The following SLC4A10 variants were observed in gnomAD, a reference collection of about 807,000 sequenced individuals.
SLC4A10 encodes the protein sodium-driven chloride bicarbonate exchanger.
In SLC4A10, 42 loss-of-function variants were observed where a neutral mutation model predicts 137.7. The ratio of observed to expected loss-of-function variants is 0.30; its 90% CI spans 0.24 to 0.39. The LOEUF (loss-of-function observed/expected upper bound fraction) is 0.39, where lower values mean the gene tolerates loss of function less well. Ranked by LOEUF, SLC4A10 falls within the 10% of genes least tolerant of loss-of-function variation. The probability of loss-of-function intolerance (pLI) is 1.00; values close to 1 mark genes in which losing one functional copy is unlikely to be tolerated. For missense variants in SLC4A10, 925 were observed against 1,355.0 expected, an observed-to-expected ratio of 0.68 and a Z score of 4.98; for synonymous variants, 474 against 464.1, an observed-to-expected ratio of 1.02 and a Z score of -0.27.
chr2:161,732,662 A>T (rs1027544454), intron 1 of SLC4A10, among the ~76,000 whole-genome samples: 36 of 152,338 alleles, frequency 2.4e-4, no homozygotes, highest in Non-Finnish European at 1.5e-4. Flanking sequence ...TGTTGAAGCA[A>T]CTTTGGAACT....
chr2:161,832,834 G>A (rs1441561515), intron 3 of SLC4A10, among the ~76,000 whole-genome samples: 2 of 152,120 alleles, frequency 1.3e-5, no homozygotes, highest in Admixed American at 1.3e-4. Flanking sequence ...TCCGCCTCCC[G>A]GGTTCACGCC....
chr2:161,927,827 A>G (rs1028558129), intron 15 of SLC4A10, among the ~76,000 whole-genome samples: 2 of 152,330 alleles, frequency 1.3e-5, no homozygotes, highest in South Asian at 2.1e-4. Context: ...ATGAGATACC[A>G]TCTCACACCA....
intron 13 of SLC4A10, among the ~76,000 whole-genome samples, chr2:161,904,470 C>A (rs1278134418): frequency 6.6e-6 from 1 of 152,134 alleles, no homozygotes; most frequent in Non-Finnish European, 1.5e-5. Context: ...CACAAGAGGT[C>A]CATTTGCTAT....
At chr2:161,778,799 T>C (rs1188335727) in intron 2 of SLC4A10, among the ~76,000 whole-genome samples, 1 of 151,986 alleles carries the variant, frequency 6.6e-6, no homozygotes, top group Non-Finnish European at 1.5e-5. Flanking sequence ...TTTTAGCAGA[T>C]ATTAAAATCT....
intron 12 of SLC4A10, among the ~76,000 whole-genome samples, chr2:161,901,376 G>A (rs1683070876): frequency 6.6e-6 from 1 of 152,046 alleles, no homozygotes; most frequent in Non-Finnish European, 1.5e-5. Context: ...AGTCTTGTAG[G>A]CCCTATCTCA....
chr2:161,839,348 T>A (rs2059027768), intron 3 of SLC4A10, among the ~76,000 whole-genome samples: 1 of 151,778 alleles, frequency 6.6e-6, no homozygotes. Context: ...CACAAGGGAG[T>A]TTTTTTGGTG....
chr2:161,941,097 C>T (rs1692607365), intron 15 of SLC4A10, among the ~76,000 whole-genome samples: 1 of 152,116 alleles, frequency 6.6e-6, no homozygotes, highest in African/African-American at 2.4e-5. Flanking sequence ...AGAGCAACCA[C>T]TAAGAAAATA....
At chr2:161,911,439 G>T (rs560227738) in intron 15 of SLC4A10, among the ~76,000 whole-genome samples, 1 of 152,106 alleles carries the variant, frequency 6.6e-6, no homozygotes, top group South Asian at 2.1e-4. Flanking sequence ...TAGATGTGGG[G>T]AGAAACAAGA....
intron 26 of SLC4A10, among the ~76,000 whole-genome samples, chr2:161,982,046 G>A (rs957859967): frequency 6.6e-6 from 1 of 152,148 alleles, no homozygotes; most frequent in African/African-American, 2.4e-5. Flanking sequence ...TTGTACAGGA[G>A]GCCCCATAGA....
intron 1 of SLC4A10, among the ~76,000 whole-genome samples, chr2:161,677,816 T>G (rs1474385022): frequency 1.3e-5 from 2 of 152,188 alleles, no homozygotes; most frequent in Non-Finnish European, 2.9e-5. Context: ...AATGACACAG[T>G]CAGAAATGAA....
intron 14 of SLC4A10, among the ~76,000 whole-genome samples, chr2:161,905,363 T>A (rs2105340147): frequency 6.6e-6 from 1 of 152,312 alleles, no homozygotes; most frequent in East Asian, 1.9e-4. Flanking sequence ...TGTGCTCCTA[T>A]GAGAATCTAA....
rs2031863924 is a variant in SLC4A10 at position 161,624,553 on chromosome 2, C to T, written c.35C>T (p.Pro12Leu). ...AAAGACCAGGGAGCCCAAATGGAGC[C>T]GCTGCTGCCTACGGTAAGAGACAAC... ...EIKDQGAQME[P>L]LLPTRNDEEA... Residue 12 changes from proline (P) to leucine (L), a missense_variant, in exon 1 of 27, where the codon CCG (proline) becomes CTG (leucine). Transcript: ENST00000446997. The T allele has an allele frequency of 1.9e-6, 3 of 1,553,450 alleles. No homozygotes were observed. Among genetic ancestry groups the T allele is most frequent in the African/African-American group, 1.4e-5 (1 of 73,088 alleles).
intron 11 of SLC4A10, among the ~76,000 whole-genome samples, chr2:161,898,712 G>T (rs1352680233): frequency 6.6e-6 from 1 of 151,946 alleles, no homozygotes; most frequent in Non-Finnish European, 1.5e-5. Context: ...CAACTTATTT[G>T]CTCTTCTCTC....
chr2:161,728,390 C>T (rs1001289158), intron 1 of SLC4A10, among the ~76,000 whole-genome samples: 1 of 152,106 alleles, frequency 6.6e-6, no homozygotes, highest in Non-Finnish European at 1.5e-5. Flanking sequence ...GCCTGACCAA[C>T]ATGGTGAAAC....
intron 20 of SLC4A10, among the ~76,000 whole-genome samples, chr2:161,957,522 A>G (rs1205834737): frequency 2.0e-5 from 3 of 152,210 alleles, no homozygotes; most frequent in Non-Finnish European, 4.4e-5. Context: ...TATGGGAAAA[A>G]GTCACTCATT....
intron 2 of SLC4A10, among the ~76,000 whole-genome samples, chr2:161,794,401 A>T (rs1468940487): frequency 6.6e-6 from 1 of 152,080 alleles, no homozygotes; most frequent in East Asian, 1.9e-4. Flanking sequence ...ACGCACATAC[A>T]AATAATAATA....
In SLC4A10 at chr2:161,894,819, T is replaced by C; in HGVS notation, c.1335T>C (p.Pro445=). The change falls in exon 11 of 27, where the codon CCT becomes CCC. Residue 445 remains proline (P), a synonymous_variant. Coordinates refer to ENST00000446997, the MANE Select transcript of SLC4A10 (RefSeq NM_001178015.2). The stretch of plus-strand genomic sequence containing the variant: ...GAATAGAGCCTCCCAAAAATGTTCC[T>C]TCCCAGGTATGTATATTTGAAGACA... ...SIRIEPPKNV[P]SQEKRKIPAV... 1 of 1,364,074 alleles carries C rather than the reference T, an allele frequency of 7.3e-7. No individual in the cohort carries two copies. Among genetic ancestry groups the C allele is most frequent in the Non-Finnish European group, 9.5e-7 (1 of 1,049,232 alleles). 84.5% of individuals were successfully genotyped at this position (1,364,074 alleles called of 1,614,324 possible).
At position 161,633,247 on chromosome 2, in the gene SLC4A10, T is replaced by C. The variant is rs372119604; in HGVS notation, c.48+8681T>C. Among the ~76,000 whole-genome samples, 11 of 151,882 alleles carry C rather than the reference T, an allele frequency of 7.2e-5. No individual in the cohort carries two copies. The East Asian group carries it at 1.7e-3, about 24-fold the overall frequency. ...AGGTTGAGAAGCATCCATATGTGAA[T>C]TATTTTACTTAAATGCAAATACATA... On this transcript the variant is annotated intron_variant, in intron 1 of 26. Transcript: ENST00000446997.
chr2:161,794,911 C>G (rs919708382), intron 2 of SLC4A10, among the ~76,000 whole-genome samples: 6 of 151,926 alleles, frequency 3.9e-5, no homozygotes, highest in Non-Finnish European at 5.9e-5. Context: ...ACCACTGCTG[C>G]CAGGTTATCT....
Sources: gnomAD v4.1 joint callset for allele counts (sites outside exome capture counted in the v4.1 genomes callset) on GRCh38, gnomAD v4.1.1 for gene constraint, MANE v1.5 for transcripts, NCBI Gene and HGNC (gene_info 2026-07-23, HGNC 2026-07-21) for gene names.